The following EHD2 variants were observed in gnomAD, a reference collection of about 807,000 sequenced individuals.
EHD2 encodes EH domain containing 2, also known as EH domain-containing protein 2.
In EHD2, 27 loss-of-function variants were observed where a neutral mutation model predicts 41.0. That is an observed-to-expected ratio of 0.66 (90% confidence interval 0.49 to 0.91). EHD2 has a LOEUF of 0.91. Ranked by LOEUF, EHD2 falls within the 40% of genes least tolerant of loss-of-function variation. The probability of loss-of-function intolerance (pLI) is 0.00; values close to 1 mark genes in which losing one functional copy is unlikely to be tolerated. For synonymous variants in EHD2, 342 were observed against 341.0 expected (o/e 1.00, Z -0.03); for missense variants, 673 against 773.9 (o/e 0.87, Z 1.55).
chr19:47,728,569 TTC>T (rs1973776262), intron 4 of EHD2, among the ~76,000 whole-genome samples: 3 of 141,308 alleles, frequency 2.1e-5, no homozygotes, highest in African/African-American at 8.2e-5. Flanking sequence ...TTTTCTTTCT[TTC>T]TTTTTTTTTT....
chr19:47,730,197 C>T (rs2123650699), intron 4 of EHD2, among the ~76,000 whole-genome samples: 1 of 150,188 alleles, frequency 6.7e-6, no homozygotes, highest in Non-Finnish European at 1.5e-5. Context: ...CTCTTCCTGG[C>T]ACCTTCCCCT....
chr19:47,725,003 AAAAAAAAAAAAAAAAAT>A, intron 3 of EHD2, among the ~76,000 whole-genome samples: 1 of 139,278 alleles, frequency 7.2e-6, no homozygotes, highest in African/African-American at 2.9e-5. Flanking sequence ...AAAAAAAAAA[AAAAAAAAAAAAAAAAAT>A]TATCATCTGC....
chr19:47,721,389 G>A (rs976665094), intron 3 of EHD2, among the ~76,000 whole-genome samples: 4 of 151,302 alleles, frequency 2.6e-5, no homozygotes, highest in East Asian at 3.9e-4. Flanking sequence ...ACCTCGGCTC[G>A]CTGCAACCTC....
Position 47,716,729 on chromosome 19 carries a change from C to T in EHD2, c.117C>T (p.His39=), listed in dbSNP as rs1381271244. ...CGAAGCTGCTGCCGCTGGAGGAGCA[C>T]TACCGCTTTGGGGCCTTCCACTCGC... ...YRTKLLPLEE[H]YRFGAFHSPA... The change falls in exon 2 of 6, where the codon CAC becomes CAT. Residue 39 remains histidine, a synonymous_variant. Transcript: ENST00000263277. 9 of 1,613,360 alleles carry T rather than the reference C, an allele frequency of 5.6e-6. No homozygotes were observed. The highest frequency in any genetic ancestry group is 1.7e-5 in the Admixed American group (1 of 59,978).
intron 4 of EHD2, among the ~76,000 whole-genome samples, chr19:47,735,060 TAAATA>T (rs2123656250): frequency 1.3e-5 from 2 of 152,144 alleles, no homozygotes; most frequent in East Asian, 3.9e-4. Context: ...CGTCTCAAAA[TAAATA>T]AATAAATAAA....
rs376157488 is a variant in EHD2, at chr19:47,719,147, G to A, written c.502+541G>A. On this transcript the variant is annotated intron_variant, in intron 3 of 5. Transcript: ENST00000263277. This position sits in a 1 kb window ranked among gnomAD's most constrained non-coding sequence, Gnocchi z 4.1. ...GTGTGGGTGACCACGTGGTGGGAGCGGGCAGGAGCCGCACGTCTGGGCAGG... is the reference window on the plus strand; with the variant it reads ...GTGTGGGTGACCACGTGGTGGGAGCAGGCAGGAGCCGCACGTCTGGGCAGG... 7.7e-4 allele frequency among the ~76,000 whole-genome samples: 117 copies of A among 152,256 alleles called. No homozygotes were observed. The highest frequency in any genetic ancestry group is 1.4e-3 in the Non-Finnish European group (92 of 68,006).
At chr19:47,735,359 G>A (rs1258244669) in intron 4 of EHD2, among the ~76,000 whole-genome samples, 1 of 152,152 alleles carries the variant, frequency 6.6e-6, no homozygotes, top group Admixed American at 6.6e-5. Context: ...GAGAGGAGGA[G>A]CCCAGGGTGA....
rs1973774882 is a variant in EHD2 at position 47,728,498 on chromosome 19, T to TCTCCTCTC, written c.915+2277_915+2284dup. 2.0e-5 allele frequency among the ~76,000 whole-genome samples: 3 copies of TCTCCTCTC among 151,688 alleles called. No homozygotes were observed. The Admixed American group carries it at 2.0e-4, about 10-fold the overall frequency. On this transcript the variant is annotated intron_variant, in intron 4 of 5. Transcript: ENST00000263277. ...TGTCCTTTCCTTTCCTTTCTTCTCC[T>TCTCCTCTC]CTCCTCTCCTTTCTCTCTTTCTCTG...
rs1966981343 is a variant in EHD2, at chr19:47,741,012, C to T, written c.1212C>T (p.Ser404=). The change falls in exon 6 of 6, where the codon AGC becomes AGT. Residue 404 remains serine (S), a synonymous_variant. Transcript: ENST00000263277. This position sits in a 1 kb window ranked among gnomAD's most constrained non-coding sequence, Gnocchi z 4.5. ...MPLLRQEELE[S]TEVGVQGGAF... The stretch of plus-strand genomic sequence containing the variant: ...TGCTGCGGCAGGAGGAGCTGGAGAG[C>T]ACCGAGGTGGGCGTGCAGGGGGGCG... 6.2e-7 allele frequency: 1 copy of T among 1,610,676 alleles called. No individual in the cohort carries two copies. The highest frequency in any genetic ancestry group is 1.3e-5 in the African/African-American group (1 of 75,062).
At chr19:47,718,451 C>A in intron 2 of EHD2, 58 bp from the exon 3 acceptor site, 1 of 1,438,398 alleles carries the variant, frequency 7.0e-7, no homozygotes, top group Non-Finnish European at 9.6e-7. Flanking sequence ...ATGTTTTCTT[C>A]GTGTTTTCCC....
At chr19:47,736,279 A>G (rs1966921549) in intron 4 of EHD2, 90 bp from the exon 5 acceptor site, 2 of 1,253,142 alleles carry the variant, frequency 1.6e-6, no homozygotes, top group Admixed American at 2.5e-5. Context: ...CAAGTAAATC[A>G]GAATCTCTGG....
intron 5 of EHD2, 32 bp from the exon 6 acceptor site, chr19:47,740,849 T>G (rs932409799): frequency 1.2e-6 from 2 of 1,604,500 alleles, no homozygotes; most frequent in African/African-American, 2.7e-5. Flanking sequence ...TGGCGCCGCT[T>G]GAATTCTGGG....
In EHD2 at chr19:47,718,537, G is replaced by T. The variant is rs775145254; in HGVS notation, c.433G>T (p.Val145Phe). The T allele has an allele frequency of 1.3e-6, 2 of 1,587,422 alleles. No homozygotes were observed. The highest frequency in any genetic ancestry group is 2.3e-5 in the South Asian group (2 of 87,180). The change falls in exon 3 of 6, where the codon GTC becomes TTC. Residue 145 changes from valine to phenylalanine, a missense_variant. Physicochemically the swap from Val to Phe is conservative, Grantham distance 50. Transcript: ENST00000263277. Reference sequence around the variant, plus strand: ...CATGTGTGCCCAGCTCCCTAATCAGGTCCTGGAGAGCATCAGCATCATCGA... The same window carrying T: ...CATGTGTGCCCAGCTCCCTAATCAGTTCCTGGAGAGCATCAGCATCATCGA... ...RFMCAQLPNQ[V>F]LESISIIDTP...
At chr19:47,727,190 C>T (rs558218974) in intron 4 of EHD2, among the ~76,000 whole-genome samples, 4 of 152,042 alleles carry the variant, frequency 2.6e-5, no homozygotes, top group Non-Finnish European at 5.9e-5. Context: ...CCACAACCTC[C>T]GCCTCCTGAA....
Position 47,713,454 on chromosome 19 carries a change from C to T in EHD2, c.-140C>T, listed in dbSNP as rs2123629408. Reference sequence around the variant, plus strand: ...TCCGGACGGGACCGCGAGCACAGGCCGCTCCGCGGGCGCTTCGGATCCTCG... The same window carrying T: ...TCCGGACGGGACCGCGAGCACAGGCTGCTCCGCGGGCGCTTCGGATCCTCG... On this transcript the variant is annotated 5_prime_UTR_variant, in exon 1 of 6. Transcript: ENST00000263277. 1.3e-5 allele frequency: 2 copies of T among 152,476 alleles called. No homozygotes were observed. The highest frequency in any genetic ancestry group is 4.1e-4 in the South Asian group (2 of 4,846). 9.4% of individuals were successfully genotyped at this position (152,476 alleles called of 1,614,324 possible).
chr19:47,722,900 C>T (rs1973712388), intron 3 of EHD2, among the ~76,000 whole-genome samples: 1 of 152,206 alleles, frequency 6.6e-6, no homozygotes, highest in South Asian at 2.1e-4. Context: ...TCAGTTTCCT[C>T]ATCTGGAAAA....
At chr19:47,738,779 C>A (rs1344261052) in intron 5 of EHD2, among the ~76,000 whole-genome samples, 1 of 152,180 alleles carries the variant, frequency 6.6e-6, no homozygotes, top group Non-Finnish European at 1.5e-5. Context: ...CCTTCAGAGT[C>A]GTGATCAGCT....
At chr19:47,730,854 T>C (rs920387417) in intron 4 of EHD2, among the ~76,000 whole-genome samples, 5 of 152,130 alleles carry the variant, frequency 3.3e-5, no homozygotes, top group African/African-American at 1.2e-4. Context: ...ATTCAGCAGT[T>C]GCCGATCGCA....
intron 4 of EHD2, among the ~76,000 whole-genome samples, chr19:47,726,920 C>G (rs1973759596): frequency 6.6e-6 from 1 of 152,154 alleles, no homozygotes; most frequent in African/African-American, 2.4e-5. Context: ...TCAAGTGATC[C>G]TCCCCTTTTG....
Sources: gnomAD v4.1 joint callset for allele counts (sites outside exome capture counted in the v4.1 genomes callset) on GRCh38, gnomAD v4.1.1 for gene constraint, Gnocchi (gnomAD v3.1) non-coding constraint, MANE v1.5 for transcripts, NCBI Gene and HGNC (gene_info 2026-07-23, HGNC 2026-07-21) for gene names.